Variants in TBC1D32 observed in about 807,000 individuals in gnomAD.
TBC1D32 encodes the protein protein broad-minded.
Under a neutral mutation model 170.3 loss-of-function variants are expected in TBC1D32, and 151 were observed. The ratio of observed to expected loss-of-function variants is 0.89; its 90% CI spans 0.78 to 1.01. The LOEUF is 1.01. Ranked by LOEUF, TBC1D32 falls within the 50% of genes least tolerant of loss-of-function variation. The pLI, the probability that TBC1D32 is intolerant of heterozygous loss-of-function variation, is 0.00. For synonymous variants in TBC1D32, 498 were observed against 488.0 expected (o/e 1.02, Z -0.27); for missense variants, 1,464 against 1,457.1 (o/e 1.00, Z -0.08).
intron 27 of TBC1D32, among the ~76,000 whole-genome samples, chr6:121,113,706 GA>G (rs1399661981): frequency 6.6e-6 from 1 of 152,146 alleles, no homozygotes; most frequent in Admixed American, 6.5e-5. Flanking sequence ...TGGTATGGAT[GA>G]AAAAGTTGTT....
At chr6:121,255,176 A>G (rs1265828723) in intron 17 of TBC1D32, 152 bp downstream of exon 17, 2 of 350,018 alleles carry the variant, frequency 5.7e-6, no homozygotes, top group African/African-American at 4.4e-5. Context: ...CATGATCTCT[A>G]AAGTTTTTCC....
Position 121,160,065 on chromosome 6 carries a change from A to G in TBC1D32, c.2718T>C (p.Tyr906=). 2 of 1,608,600 alleles carry G rather than the reference A, an allele frequency of 1.2e-6. No individual in the cohort carries two copies. Among genetic ancestry groups the G allele is most frequent in the Non-Finnish European group, 8.5e-7 (1 of 1,176,046 alleles). Reference sequence around the variant, plus strand: ...CTGACAGATAGCAGTTTGGCAATGGATATGATGAAAACATTGGCCAAGGAT... The same window carrying G: ...CTGACAGATAGCAGTTTGGCAATGGGTATGATGAAAACATTGGCCAAGGAT... The part of the protein sequence containing the change: ...NPYPWPMFSS[Y]PLPNCYLSDI... The change falls in exon 24 of 32, where the codon TAT becomes TAC. Residue 906 remains tyrosine (Y), a synonymous_variant. Transcript: ENST00000398212.
At chr6:121,254,004 C>G (rs1028996340) in intron 17 of TBC1D32, among the ~76,000 whole-genome samples, 51 of 151,624 alleles carry the variant, frequency 3.4e-4, no homozygotes, top group African/African-American at 1.2e-3. Flanking sequence ...CATCAACCAA[C>G]AAGTGAATAA....
intron 17 of TBC1D32, among the ~76,000 whole-genome samples, chr6:121,244,117 T>C (rs148949599): frequency 1.2e-3 from 186 of 151,372 alleles, no homozygotes; most frequent in African/African-American, 4.4e-3. Flanking sequence ...ATACTAAGAA[T>C]CCAAAAAGGG....
chr6:121,210,474 T>A (rs1376031754), intron 21 of TBC1D32, among the ~76,000 whole-genome samples: 2 of 152,158 alleles, frequency 1.3e-5, no homozygotes, highest in Non-Finnish European at 2.9e-5. Context: ...AAGAACCATA[T>A]ACTGGAATAT....
chr6:121,093,714 T>C (rs972265257), intron 30 of TBC1D32, among the ~76,000 whole-genome samples: 12 of 152,174 alleles, frequency 7.9e-5, no homozygotes, highest in Admixed American at 6.6e-4. Flanking sequence ...GGCATGTATA[T>C]ACATTCAAGC....
chr6:121,261,233 C>T lies in TBC1D32; in HGVS notation c.1734-4948G>A, dbSNP rs574340379. On this transcript the variant is annotated intron_variant, in intron 15 of 31. Transcript: ENST00000398212. ...CTAGCTCTGAGGAATCTGGGCAGAC[C>T]GGAAGAGTTGGTTTCCCCCCAGTGC... 9.9e-5 allele frequency among the ~76,000 whole-genome samples: 15 copies of T among 152,272 alleles called. No individual in the cohort carries two copies. In the South Asian group the frequency reaches 1.5e-3, roughly 15 times the overall value.
chr6:121,317,758 T>C, intron 2 of TBC1D32, 86 bp from the exon 3 acceptor site: 4 of 1,009,012 alleles, frequency 4.0e-6, no homozygotes, highest in Non-Finnish European at 5.5e-6. Flanking sequence ...TTTTTTTCTA[T>C]AAAAAGGGAA....
chr6:121,099,074 A>G (rs894621142), intron 30 of TBC1D32, among the ~76,000 whole-genome samples: 4 of 152,024 alleles, frequency 2.6e-5, no homozygotes, highest in African/African-American at 9.7e-5. Flanking sequence ...TCCTGCTTTC[A>G]TAATAGGGGG....
chr6:121,307,624 C>A (rs567392772), intron 5 of TBC1D32, among the ~76,000 whole-genome samples: 1 of 152,218 alleles, frequency 6.6e-6, no homozygotes, highest in South Asian at 2.1e-4. Context: ...CTTTGGGAGG[C>A]CAAGGTGGGC....
intron 30 of TBC1D32, among the ~76,000 whole-genome samples, chr6:121,101,521 T>C (rs887691200): frequency 1.3e-5 from 2 of 152,250 alleles, no homozygotes; most frequent in South Asian, 2.1e-4. Context: ...GAAAAGGCCT[T>C]TGACAAAATT....
At chr6:121,286,044 A>AGAG (rs922330129) in intron 12 of TBC1D32, among the ~76,000 whole-genome samples, 1 of 152,190 alleles carries the variant, frequency 6.6e-6, no homozygotes, top group African/African-American at 2.4e-5. Flanking sequence ...GGGAAAAAAC[A>AGAG]GAGGAGAAAA....
At chr6:121,155,082 T>A (rs1168725833) in intron 24 of TBC1D32, among the ~76,000 whole-genome samples, 1 of 152,200 alleles carries the variant, frequency 6.6e-6, no homozygotes, top group Admixed American at 6.5e-5. Context: ...ATCTATAAAT[T>A]GCTTTGGGAA....
At chr6:121,100,118 T>C (rs76601843) in intron 30 of TBC1D32, among the ~76,000 whole-genome samples, 3,234 of 152,106 alleles carry the variant, frequency 0.021, 109 homozygotes, top group African/African-American at 0.073. Context: ...TTAATTGCAC[T>C]GTGGTCTGAG....
intron 13 of TBC1D32, 100 bp from the exon 14 acceptor site, chr6:121,281,786 T>C (rs1803032645): frequency 1.2e-6 from 1 of 835,856 alleles, no homozygotes; most frequent in Admixed American, 3.2e-5. Context: ...TCAAAGTTAA[T>C]TCAGTACTTC....
chr6:121,329,439 G>C (rs928228516), intron 1 of TBC1D32, among the ~76,000 whole-genome samples: 2 of 152,128 alleles, frequency 1.3e-5, no homozygotes, highest in African/African-American at 4.8e-5. Context: ...ATCACCTGAG[G>C]TCAGGAGTTC....
At chr6:121,095,030 T>C (rs1177727303) in intron 30 of TBC1D32, among the ~76,000 whole-genome samples, 1 of 152,108 alleles carries the variant, frequency 6.6e-6, no homozygotes, top group African/African-American at 2.4e-5. Flanking sequence ...AGTTGAGTCT[T>C]TATATTCACT....
chr6:121,140,789 C>A lies in TBC1D32; in HGVS notation c.2774-9037G>T, dbSNP rs574848017. Among the ~76,000 whole-genome samples the A allele has an allele frequency of 2.6e-5, 4 of 152,052 alleles. No homozygotes were observed. In the South Asian group the frequency reaches 8.3e-4, roughly 32 times the overall value. ...TACCACTTGCTAAATGATGAAATAA[C>A]TATAATAAAGGTGTCTACTTCATGA... On this transcript the variant is annotated intron_variant, in intron 24 of 31. Transcript: ENST00000398212.
chr6:121,271,333 G>A (rs139134699), intron 15 of TBC1D32, among the ~76,000 whole-genome samples: 3,657 of 152,258 alleles, frequency 0.024, 160 homozygotes, highest in East Asian at 0.12. Flanking sequence ...GTCCCTGTTT[G>A]CAGATGACAT....
Sources: allele counts gnomAD v4.1 joint callset (sites outside exome capture counted in the v4.1 genomes callset), GRCh38; gene constraint gnomAD v4.1.1; transcripts MANE v1.5; gene names NCBI Gene and HGNC (gene_info 2026-07-23, HGNC 2026-07-21).